The following MYO1D variants were observed in gnomAD, a reference collection of about 807,000 sequenced individuals.
The protein encoded by MYO1D is myosin ID.
MYO1D carries 83 observed loss-of-function variants against 122.0 expected under a neutral mutation model. The ratio of observed to expected loss-of-function variants is 0.68; its 90% confidence interval spans 0.57 to 0.82. The LOEUF (loss-of-function observed/expected upper bound fraction) is 0.82, where lower values mean the gene tolerates loss of function less well. Among genes scored for constraint, MYO1D ranks in the 40% least tolerant of loss-of-function variants. MYO1D has a pLI of 0.00. For missense variants in MYO1D, 1,157 were observed against 1,269.5 expected, an observed-to-expected ratio of 0.91 and a Z score of 1.35; for synonymous variants, 464 against 446.9, an observed-to-expected ratio of 1.04 and a Z score of -0.48.
chr17:32,755,441 A>T (rs1013927728), intron 11 of MYO1D, 51 bp downstream of exon 11: 23 of 1,565,886 alleles, frequency 1.5e-5, no homozygotes, highest in Non-Finnish European at 1.9e-5. Flanking sequence ...CCATCAAACA[A>T]TAAGGAGAAC....
At chr17:32,720,185 AT>A (rs1220044278) in intron 15 of MYO1D, among the ~76,000 whole-genome samples, 2 of 152,232 alleles carry the variant, frequency 1.3e-5, no homozygotes, top group African/African-American at 4.8e-5. Context: ...AATTTAAAGC[AT>A]TCTTGTGATT....
At chr17:32,838,233 TCTAA>T (rs1401190105) in intron 1 of MYO1D, among the ~76,000 whole-genome samples, 1 of 152,222 alleles carries the variant, frequency 6.6e-6, no homozygotes, top group Non-Finnish European at 1.5e-5. Flanking sequence ...TGGTCTCATC[TCTAA>T]CTCTTATCTT....
At chr17:32,687,657 T>C (rs569577507) in intron 16 of MYO1D, among the ~76,000 whole-genome samples, 2 of 152,308 alleles carry the variant, frequency 1.3e-5, no homozygotes, top group African/African-American at 4.8e-5. Context: ...TGGGAATAAC[T>C]CTAGGGCCTA....
intron 1 of MYO1D, among the ~76,000 whole-genome samples, chr17:32,791,972 T>C (rs562859577): frequency 2.0e-5 from 3 of 152,296 alleles, no homozygotes; most frequent in Admixed American, 6.5e-5. Context: ...AATTTTTTTT[T>C]CTCTAATTAA....
At chr17:32,653,796 G>T in intron 19 of MYO1D, 47 bp downstream of exon 19, 1 of 1,509,918 alleles carries the variant, frequency 6.6e-7, no homozygotes, top group South Asian at 1.1e-5. Context: ...AGTTTCATCT[G>T]AATCAGTCTT....
intron 20 of MYO1D, among the ~76,000 whole-genome samples, chr17:32,607,338 T>C (rs939884755): frequency 4.6e-5 from 7 of 152,062 alleles, no homozygotes; most frequent in Admixed American, 1.3e-4. Context: ...AATATTTCTA[T>C]ATTAGCAATG....
intron 16 of MYO1D, among the ~76,000 whole-genome samples, chr17:32,705,626 CA>C (rs1049243767): frequency 2.0e-5 from 3 of 152,200 alleles, no homozygotes; most frequent in Non-Finnish European, 4.4e-5. Context: ...GAAGACTATA[CA>C]TTTTTTTATG....
At chr17:32,540,442 G>T (rs1910803562) in intron 21 of MYO1D, among the ~76,000 whole-genome samples, 1 of 150,856 alleles carries the variant, frequency 6.6e-6, no homozygotes, top group Non-Finnish European at 1.5e-5. Flanking sequence ...AGAACTCTTA[G>T]AACTCAATAA....
At chr17:32,680,859 C>T (rs2088904132) in intron 16 of MYO1D, among the ~76,000 whole-genome samples, 1 of 152,028 alleles carries the variant, frequency 6.6e-6, no homozygotes, top group Non-Finnish European at 1.5e-5. Context: ...TGGTAGAATT[C>T]GGCTGTGAAT....
chr17:32,841,524 G>A (rs958480171), intron 1 of MYO1D, among the ~76,000 whole-genome samples: 2 of 151,884 alleles, frequency 1.3e-5, no homozygotes, highest in African/African-American at 4.8e-5. Context: ...CATTTAAATT[G>A]TAGCTCCCAG....
chr17:32,578,433 T>C (rs2087298812), intron 21 of MYO1D, among the ~76,000 whole-genome samples: 1 of 152,226 alleles, frequency 6.6e-6, no homozygotes. Flanking sequence ...CATCTGGGAA[T>C]CAGCACTAGC....
intron 21 of MYO1D, among the ~76,000 whole-genome samples, chr17:32,545,091 T>G (rs1189760468): frequency 6.6e-6 from 1 of 152,186 alleles, no homozygotes; most frequent in Non-Finnish European, 1.5e-5. Flanking sequence ...CTTTGTTCCA[T>G]CTTGCCCCTC....
At chr17:32,574,200 T>C (rs1005856921) in intron 21 of MYO1D, among the ~76,000 whole-genome samples, 2 of 151,928 alleles carry the variant, frequency 1.3e-5, no homozygotes, top group Admixed American at 6.6e-5. Flanking sequence ...TGGCTGGGAA[T>C]AGAATTATAG....
intron 1 of MYO1D, among the ~76,000 whole-genome samples, chr17:32,792,930 C>T (rs940518967): frequency 2.6e-5 from 4 of 152,138 alleles, no homozygotes; most frequent in East Asian, 1.9e-4. Flanking sequence ...TCATACAGCA[C>T]TGGAGCCCTG....
intron 21 of MYO1D, among the ~76,000 whole-genome samples, chr17:32,524,360 T>C (rs1395748604): frequency 6.6e-6 from 1 of 152,074 alleles, no homozygotes. Flanking sequence ...AGCTCAGGCG[T>C]AGGATGGAAA....
chr17:32,705,454 G>A (rs2089294679), intron 16 of MYO1D, among the ~76,000 whole-genome samples: 2 of 151,878 alleles, frequency 1.3e-5, no homozygotes, highest in African/African-American at 2.4e-5. Flanking sequence ...TAGTAGAGAC[G>A]GGGTTTCACC....
intron 21 of MYO1D, among the ~76,000 whole-genome samples, chr17:32,592,665 G>A (rs2087448670): frequency 6.6e-6 from 1 of 150,966 alleles, no homozygotes; most frequent in Admixed American, 6.6e-5. Flanking sequence ...AGGAGGGGAG[G>A]GGATGCCAGA....
At chr17:32,662,107 TC>T (rs2088573869) in intron 16 of MYO1D, among the ~76,000 whole-genome samples, 1 of 152,206 alleles carries the variant, frequency 6.6e-6, no homozygotes, top group Non-Finnish European at 1.5e-5. Flanking sequence ...TGAATCTTTT[TC>T]TTTGATATTA....
rs375147820 is a variant in MYO1D, at chr17:32,876,210, G to A, written c.95+568C>T. On this transcript the variant is annotated intron_variant, in intron 1 of 21. Coordinates refer to ENST00000318217, the MANE Select transcript of MYO1D (RefSeq NM_015194.3). ...TAACTAAAAAAATAGCCAGTGTCCCGGAACAGACAGCTCAGGGATCACTCC... is the reference window on the plus strand; with the variant it reads ...TAACTAAAAAAATAGCCAGTGTCCCAGAACAGACAGCTCAGGGATCACTCC... 7.9e-5 allele frequency among the ~76,000 whole-genome samples: 12 copies of A among 152,180 alleles called. No individual in the cohort carries two copies. The East Asian group carries it at 2.3e-3, about 29-fold the overall frequency.
Sources: gnomAD v4.1 joint callset for allele counts (sites outside exome capture counted in the v4.1 genomes callset) on GRCh38, gnomAD v4.1.1 for gene constraint, MANE v1.5 for transcripts, NCBI Gene and HGNC (gene_info 2026-07-23, HGNC 2026-07-21) for gene names.